Variants in KCNK9 observed in about 807,000 individuals in gnomAD.
The protein encoded by KCNK9 is potassium two pore domain channel subfamily K member 9, also known as potassium channel subfamily K member 9.
A neutral mutation model predicts 10.8 loss-of-function variants in KCNK9; 1 was observed. That is an observed-to-expected ratio of 0.09 (90% CI 0.03 to 0.44). The LOEUF (loss-of-function observed/expected upper bound fraction) is 0.44. Among genes scored for constraint, KCNK9 ranks in the 20% least tolerant of loss-of-function variants. The pLI, the probability that KCNK9 is intolerant of heterozygous loss-of-function variation, is 0.97. For synonymous variants in KCNK9, 231 were observed against 222.7 expected, an observed-to-expected ratio of 1.04 and a Z score of -0.33; for missense variants, 303 against 515.0, an observed-to-expected ratio of 0.59 and a Z score of 3.98.
At chr8:139,686,683 G>A (rs571224445) in intron 1 of KCNK9, among the ~76,000 whole-genome samples, 11 of 152,182 alleles carry the variant, frequency 7.2e-5, no homozygotes, top group Non-Finnish European at 1.3e-4. Flanking sequence ...ATTAGTAAAT[G>A]ACCAAGACAG....
At chr8:139,613,274 T>C (rs1230644959), downstream of KCNK9, among the ~76,000 whole-genome samples, 1 of 152,214 alleles carries the variant, frequency 6.6e-6, no homozygotes, top group Admixed American at 6.5e-5. Flanking sequence ...GGAAGCTCAT[T>C]GGACCATTCT....
intron 1 of KCNK9, among the ~76,000 whole-genome samples, chr8:139,648,487 C>T (rs1028448252): frequency 1.3e-5 from 2 of 152,192 alleles, no homozygotes; most frequent in Admixed American, 6.5e-5. Context: ...TGATGGCTGC[C>T]GCGTCACCCT....
At chr8:139,650,506 T>A (rs1815829823) in intron 1 of KCNK9, among the ~76,000 whole-genome samples, 1 of 152,130 alleles carries the variant, frequency 6.6e-6, no homozygotes, top group Admixed American at 6.5e-5. Flanking sequence ...GGTGTCTGGC[T>A]GCTGCTCCTC....
At chr8:139,619,169 G>C in intron 1 of KCNK9, 70 bp from the exon 2 acceptor site, 1 of 1,566,852 alleles carries the variant, frequency 6.4e-7, no homozygotes, top group South Asian at 1.1e-5. Flanking sequence ...GGAAGGGAGG[G>C]TCGACTTGGT....
At chr8:139,615,315 C>A (rs1814551775), downstream of KCNK9, among the ~76,000 whole-genome samples, 1 of 152,148 alleles carries the variant, frequency 6.6e-6, no homozygotes, top group Admixed American at 6.5e-5. Flanking sequence ...TGACTTGGAC[C>A]AAGCTTCCTC....
At chr8:139,670,575 C>A (rs1361548818) in intron 1 of KCNK9, among the ~76,000 whole-genome samples, 1 of 152,120 alleles carries the variant, frequency 6.6e-6, no homozygotes, top group Non-Finnish European at 1.5e-5. Flanking sequence ...AAATACCGCA[C>A]CATTTTATAT....
chr8:139,619,234 T>G, intron 1 of KCNK9, 135 bp from the exon 2 acceptor site: 4 of 964,036 alleles, frequency 4.1e-6, no homozygotes, highest in Non-Finnish European at 6.2e-6. Context: ...CTCTGCAGGG[T>G]AGAGGGGCGT....
At chr8:139,680,488 A>C (rs1288282290) in intron 1 of KCNK9, among the ~76,000 whole-genome samples, 1 of 152,120 alleles carries the variant, frequency 6.6e-6, no homozygotes, top group African/African-American at 2.4e-5. Flanking sequence ...CCTGGGCTGG[A>C]GGAGGGACAG....
At chr8:139,613,180 C>T (rs146215961), downstream of KCNK9, among the ~76,000 whole-genome samples, 26 of 152,280 alleles carry the variant, frequency 1.7e-4, no homozygotes, top group East Asian at 1.7e-3. Flanking sequence ...GCAGACATGA[C>T]GACACATTGT....
At chr8:139,674,652 G>A (rs1027877262) in intron 1 of KCNK9, among the ~76,000 whole-genome samples, 2 of 152,184 alleles carry the variant, frequency 1.3e-5, no homozygotes, top group African/African-American at 4.8e-5. Flanking sequence ...CCTCTGCAGT[G>A]CCTCACGGGG....
intron 1 of KCNK9, among the ~76,000 whole-genome samples, chr8:139,699,690 C>T (rs1045367872): frequency 5.3e-5 from 8 of 152,184 alleles, no homozygotes; most frequent in Admixed American, 5.2e-4. Flanking sequence ...CACTGTGCCC[C>T]GGGATCCCCA....
intron 1 of KCNK9, among the ~76,000 whole-genome samples, chr8:139,634,420 C>T (rs746549462): frequency 7.9e-5 from 12 of 152,200 alleles, no homozygotes; most frequent in Non-Finnish European, 1.3e-4. Context: ...TCTGCCCTCC[C>T]AATCCACCTT....
intron 1 of KCNK9, among the ~76,000 whole-genome samples, chr8:139,679,146 G>A (rs377243862): frequency 1.3e-5 from 2 of 152,146 alleles, no homozygotes; most frequent in African/African-American, 2.4e-5. Flanking sequence ...AAACAACAAC[G>A]GGCCCAGCTA....
chr8:139,609,095 G>C (rs561630091), downstream of KCNK9, among the ~76,000 whole-genome samples: 1 of 86,880 alleles, frequency 1.2e-5, no homozygotes, highest in East Asian at 3.6e-4. Flanking sequence ...GCAATCTGAG[G>C]GACCCATCCC....
intron 1 of KCNK9, among the ~76,000 whole-genome samples, chr8:139,676,401 G>A (rs1254230110): frequency 6.6e-6 from 1 of 152,218 alleles, no homozygotes; most frequent in Non-Finnish European, 1.5e-5. Flanking sequence ...CAACTTGTGA[G>A]TTACTTATTT....
At chr8:139,621,269 T>G (rs1237279659) in intron 1 of KCNK9, among the ~76,000 whole-genome samples, 1 of 143,632 alleles carries the variant, frequency 7.0e-6, no homozygotes, top group Non-Finnish European at 1.5e-5. Context: ...CCAACCTGGG[T>G]GACAGAGCGA....
At chr8:139,605,141 C>T (rs983897143) in intron 2 of KCNK9, among the ~76,000 whole-genome samples, 4 of 152,366 alleles carry the variant, frequency 2.6e-5, no homozygotes, top group Middle Eastern at 3.4e-3. Context: ...CTAACTGCCT[C>T]GTTTTCCCTT....
chr8:139,653,575 GA>G (rs1815931658), intron 1 of KCNK9, among the ~76,000 whole-genome samples: 1 of 151,866 alleles, frequency 6.6e-6, no homozygotes, highest in Non-Finnish European at 1.5e-5. Context: ...TGCTTCATGG[GA>G]ATGTGAGCCC....
chr8:139,674,413 G>A (rs1037935872), intron 1 of KCNK9, among the ~76,000 whole-genome samples: 4 of 152,186 alleles, frequency 2.6e-5, no homozygotes, highest in Non-Finnish European at 2.9e-5. Context: ...GAGCCGCTCC[G>A]AGGGCAGCCT....
Sources: gnomAD v4.1 joint callset for allele counts (sites outside exome capture counted in the v4.1 genomes callset) on GRCh38, gnomAD v4.1.1 for gene constraint, MANE v1.5 for transcripts, NCBI Gene and HGNC (gene_info 2026-07-23, HGNC 2026-07-21) for gene names.